The following CEP128 variants were observed in gnomAD, a reference collection of about 807,000 sequenced individuals.
The protein encoded by CEP128 is centrosomal protein 128.
Under a neutral mutation model 156.7 loss-of-function variants are expected in CEP128, and 132 were observed. That is an observed-to-expected ratio of 0.84 (90% CI 0.73 to 0.97). CEP128 has a LOEUF of 0.97. CEP128 is among the 50% of genes least tolerant of loss of function. The probability of loss-of-function intolerance (pLI) is 0.00; values close to 1 mark genes in which losing one functional copy is unlikely to be tolerated. For missense variants in CEP128, 1,252 were observed against 1,281.9 expected, an observed-to-expected ratio of 0.98 and a Z score of 0.36; for synonymous variants, 469 against 448.9, an observed-to-expected ratio of 1.04 and a Z score of -0.57.
At chr14:80,900,609 A>C (rs926048848) in intron 6 of CEP128, among the ~76,000 whole-genome samples, 5 of 152,238 alleles carry the variant, frequency 3.3e-5, no homozygotes, top group Non-Finnish European at 7.3e-5. Context: ...ATTCACAATG[A>C]GAACATGAGA....
At chr14:80,763,992 C>T (rs940808284) in intron 16 of CEP128, among the ~76,000 whole-genome samples, 1 of 152,172 alleles carries the variant, frequency 6.6e-6, no homozygotes, top group South Asian at 2.1e-4. Context: ...TATTTTACAT[C>T]TAAGCAATTC....
At chr14:80,719,583 T>C (rs1358618145) in intron 19 of CEP128, among the ~76,000 whole-genome samples, 2 of 152,140 alleles carry the variant, frequency 1.3e-5, no homozygotes, top group African/African-American at 4.8e-5. Flanking sequence ...ACAATCCCTG[T>C]GGTAAAATGA....
chr14:80,662,098 T>C (rs948434369), intron 19 of CEP128, among the ~76,000 whole-genome samples: 16 of 152,264 alleles, frequency 1.1e-4, no homozygotes, highest in Non-Finnish European at 1.9e-4. Context: ...GTGGGAAACA[T>C]AGCACTGAGA....
chr14:80,730,768 G>C (rs1005766776), intron 19 of CEP128, among the ~76,000 whole-genome samples: 4 of 152,152 alleles, frequency 2.6e-5, no homozygotes, highest in African/African-American at 9.7e-5. Context: ...TGAGTGACTG[G>C]TTAGAAAGTA....
intron 19 of CEP128, among the ~76,000 whole-genome samples, chr14:80,580,744 T>C (rs1288235610): frequency 2.6e-5 from 4 of 152,306 alleles, no homozygotes; most frequent in East Asian, 3.9e-4. Context: ...CTCATGCTTA[T>C]ATAACTCAAT....
At position 80,752,586 on chromosome 14, in the gene CEP128, T is replaced by G. The variant is rs141724974; in HGVS notation, c.2613+4306A>C. 1.7e-4 allele frequency among the ~76,000 whole-genome samples: 26 copies of G among 152,302 alleles called. No homozygotes were observed. The East Asian group carries it at 4.0e-3, about 24-fold the overall frequency. On this transcript the variant is annotated intron_variant, in intron 18 of 24. Coordinates refer to ENST00000555265, the MANE Select transcript of CEP128 (RefSeq NM_152446.5). ...TTAGATATTTATCCACATCTATCAA[T>G]AAGAATTAAGTACACTGGGCCTAAT... is the stretch of plus-strand genomic sequence containing the variant.
rs73342515 is a variant in CEP128 at position 80,760,827 on chromosome 14, C to G, written c.2553+610G>C. On this transcript the variant is annotated intron_variant, in intron 17 of 24. Transcript: ENST00000555265. The stretch of plus-strand genomic sequence containing the variant: ...TATTCCATTTGTTAAAATAGAAAAG[C>G]TAAATTAAATACAGCTGGTTTAAAC... Among the ~76,000 whole-genome samples, 1,232 of 152,122 alleles carry G rather than the reference C, an allele frequency of 8.1e-3. 13 individuals carry two copies. Among genetic ancestry groups the G allele is most frequent in the African/African-American group, 0.028 (1,147 of 41,524 alleles).
intron 20 of CEP128, among the ~76,000 whole-genome samples, chr14:80,565,378 G>GCC: frequency 6.6e-6 from 1 of 151,982 alleles, no homozygotes; most frequent in African/African-American, 2.4e-5. Context: ...AGGTAATTTG[G>GCC]CAAGCGCCTG....
At chr14:80,547,799 T>G (rs1286528895) in intron 21 of CEP128, among the ~76,000 whole-genome samples, 1 of 74,992 alleles carries the variant, frequency 1.3e-5, no homozygotes, top group Non-Finnish European at 2.4e-5. Context: ...GGAGAGGAAT[T>G]TTTTTTTTTT....
chr14:80,721,936 T>A (rs1197118481), intron 19 of CEP128, among the ~76,000 whole-genome samples: 4 of 152,226 alleles, frequency 2.6e-5, no homozygotes, highest in Non-Finnish European at 5.9e-5. Flanking sequence ...TAAATGATTA[T>A]GGGTCACATA....
chr14:80,625,001 C>T (rs963796734), intron 19 of CEP128, among the ~76,000 whole-genome samples: 2 of 152,168 alleles, frequency 1.3e-5, no homozygotes, highest in African/African-American at 4.8e-5. Flanking sequence ...CTAGACCAAA[C>T]TCCTGAAGTA....
chr14:80,730,894 T>C (rs958134360), intron 19 of CEP128, among the ~76,000 whole-genome samples: 28 of 152,248 alleles, frequency 1.8e-4, no homozygotes, highest in African/African-American at 5.5e-4. Context: ...AATTGGGCCT[T>C]GAGGCTTGAT....
At chr14:80,485,767 A>G (rs1324378187), downstream of CEP128, among the ~76,000 whole-genome samples, 1 of 152,228 alleles carries the variant, frequency 6.6e-6, no homozygotes, top group Non-Finnish European at 1.5e-5. Flanking sequence ...GTGGAAGGCC[A>G]CTAGTGCTGA....
At chr14:80,699,140 T>C (rs1485907273) in intron 19 of CEP128, among the ~76,000 whole-genome samples, 1 of 152,128 alleles carries the variant, frequency 6.6e-6, no homozygotes, top group Non-Finnish European at 1.5e-5. Context: ...CCTGTCAGAG[T>C]ACACATTCAG....
At chr14:80,590,977 G>A (rs532451594) in intron 19 of CEP128, among the ~76,000 whole-genome samples, 38 of 152,106 alleles carry the variant, frequency 2.5e-4, no homozygotes, top group African/African-American at 6.3e-4. Flanking sequence ...TGTCACCACC[G>A]GGCCAGCCTT....
chr14:80,646,439 T>C (rs1405424153), intron 19 of CEP128, among the ~76,000 whole-genome samples: 2 of 151,742 alleles, frequency 1.3e-5, no homozygotes, highest in South Asian at 2.1e-4. Context: ...AACAAAAGCA[T>C]GGAGTTAGAA....
intron 19 of CEP128, among the ~76,000 whole-genome samples, chr14:80,697,725 CA>C (rs1461960878): frequency 2.6e-5 from 4 of 151,948 alleles, no homozygotes; most frequent in Admixed American, 6.6e-5. Context: ...TATGTTAAAT[CA>C]GATTTTGTAT....
chr14:80,479,563 T>C (rs1594895809), intron 14 of CEP128, among the ~76,000 whole-genome samples: 1 of 152,178 alleles, frequency 6.6e-6, no homozygotes, highest in African/African-American at 2.4e-5. Flanking sequence ...GCCCCCATGA[T>C]TGAATTACCT....
At chr14:80,708,177 A>T (rs560979749) in intron 19 of CEP128, among the ~76,000 whole-genome samples, 1 of 152,248 alleles carries the variant, frequency 6.6e-6, no homozygotes, top group Non-Finnish European at 1.5e-5. Context: ...GCCGCATAAG[A>T]AGCGTTATTT....
Sources: gnomAD v4.1 joint callset for allele counts (sites outside exome capture counted in the v4.1 genomes callset) on GRCh38, gnomAD v4.1.1 for gene constraint, MANE v1.5 for transcripts, NCBI Gene and HGNC (gene_info 2026-07-23, HGNC 2026-07-21) for gene names.